BIN1: variants seen among roughly 807,000 people sequenced by gnomAD.
BIN1 encodes bridging integrator 1.
In BIN1, 53 loss-of-function variants were observed where a neutral mutation model predicts 82.0. That is an observed-to-expected ratio of 0.65 (90% CI 0.52 to 0.81). The LOEUF (loss-of-function observed/expected upper bound fraction) is 0.81. Ranked by LOEUF, BIN1 falls within the 40% of genes least tolerant of loss-of-function variation. The pLI is 0.00. For missense variants in BIN1, 642 were observed against 784.4 expected (o/e 0.82, Z 2.17); for synonymous variants, 302 against 328.0 (o/e 0.92, Z 0.86).
intron 18 of BIN1, 74 bp from the exon 19 acceptor site, chr2:127,048,707 A>G: frequency 5.6e-6 from 8 of 1,424,866 alleles, no homozygotes; most frequent in Non-Finnish European, 7.9e-6. Context: ...TCCCACTCCA[A>G]CCTGCTGGGA....
chr2:127,083,007 G>A (rs1433641010), intron 1 of BIN1, among the ~76,000 whole-genome samples: 1 of 151,250 alleles, frequency 6.6e-6, no homozygotes. Flanking sequence ...ATACTACAGG[G>A]ACTATCATCT....
intron 14 of BIN1, 138 bp downstream of exon 14, chr2:127,053,284 G>T: frequency 7.8e-7 from 1 of 1,276,508 alleles, no homozygotes; most frequent in Non-Finnish European, 1.1e-6. Context: ...CTGTGCGTGA[G>T]CACGTGCCTG....
intron 9 of BIN1, 60 bp downstream of exon 9, chr2:127,063,511 C>G: frequency 6.4e-7 from 1 of 1,560,970 alleles, no homozygotes; most frequent in African/African-American, 1.4e-5. Flanking sequence ...TCCCACGACT[C>G]TGACTCTGAC....
rs7568161 is a variant in BIN1, at chr2:127,050,365, C to T, written c.1674+56G>A. 0.19 allele frequency: 306,279 copies of T among 1,594,300 alleles called. 30,199 individuals carry two copies. The highest frequency in any genetic ancestry group is 0.26 in the African/African-American group (19,532 of 74,536). On this transcript the variant is annotated intron_variant, in intron 18 of 18. Coordinates refer to ENST00000316724, the MANE Select transcript of BIN1 (RefSeq NM_139343.3). ...CTGTCTCCGCCACGGCGGTGCCAGC[C>T]GCAGCCAGGATGCCTGTGGTCCCCC...
chr2:127,101,951 A>C (rs562019393), intron 1 of BIN1, among the ~76,000 whole-genome samples: 20 of 152,154 alleles, frequency 1.3e-4, no homozygotes, highest in Non-Finnish European at 2.6e-4. Flanking sequence ...GCCATGCAGG[A>C]AGAAGGTGCC....
At chr2:127,055,679 A>G (rs1683560798) in intron 12 of BIN1, 1 of 151,480 alleles carries the variant, frequency 6.6e-6, no homozygotes, top group African/African-American at 2.4e-5. Flanking sequence ...AATATCCGTC[A>G]TGTGCTGAGG....
At chr2:127,069,963 G>C (rs1472126246) in intron 5 of BIN1, 32 bp downstream of exon 5, 6 of 1,605,960 alleles carry the variant, frequency 3.7e-6, no homozygotes, top group Non-Finnish European at 5.1e-6. Flanking sequence ...CTCCAGGCCA[G>C]AGCAGGGCAG....
Position 127,051,389 on chromosome 2 carries a change from C to T in BIN1, c.1372-146G>A, listed in dbSNP as rs1303055661. On this transcript the variant is annotated intron_variant, in intron 15 of 18. Transcript: ENST00000316724. ...CAGGGTCTAGAGCTGCCCAGTGCCT[C>T]GAAGAATCCAGGGAGCCTCTGCTGG... The T allele has an allele frequency of 3.3e-5, 27 of 821,768 alleles. 1 individual carries two copies. The highest frequency in any genetic ancestry group is 3.2e-4 in the South Asian group (22 of 68,296). The allele number at this position is 821,768 out of a possible 1,614,324, so 50.9% of individuals were successfully genotyped here.
At chr2:127,050,723 A>G (rs966514993) in intron 17 of BIN1, 79 bp downstream of exon 17, 26 of 1,518,246 alleles carry the variant, frequency 1.7e-5, no homozygotes, top group Non-Finnish European at 2.2e-5. Flanking sequence ...GGCAAACCAC[A>G]GAGTCTCCTG....
At chr2:127,074,410 A>T (rs1418217565) in intron 2 of BIN1, among the ~76,000 whole-genome samples, 1 of 152,014 alleles carries the variant, frequency 6.6e-6, no homozygotes, top group African/African-American at 2.4e-5. Flanking sequence ...CACCCCACCA[A>T]ACCTGAGCCC....
At chr2:127,053,558 G>A (rs759536531) in intron 13 of BIN1, 113 bp from the exon 14 acceptor site, 2 of 1,417,292 alleles carry the variant, frequency 1.4e-6, no homozygotes, top group Non-Finnish European at 2.0e-6. Context: ...CAGCCCAGCA[G>A]GCACAGGAGT....
chr2:127,099,261 G>A (rs116528535), intron 1 of BIN1, among the ~76,000 whole-genome samples: 251 of 152,234 alleles, frequency 1.6e-3, no homozygotes, highest in African/African-American at 5.9e-3. Context: ...TGACCACAGG[G>A]ACCAGAGACA....
At chr2:127,097,060 C>A (rs1281553822) in intron 1 of BIN1, among the ~76,000 whole-genome samples, 1 of 152,210 alleles carries the variant, frequency 6.6e-6, no homozygotes, top group Admixed American at 6.5e-5. Context: ...CGTTACCGTG[C>A]CCACTCCCCA....
chr2:127,083,193 C>T (rs1485662114), intron 1 of BIN1, among the ~76,000 whole-genome samples: 2 of 151,798 alleles, frequency 1.3e-5, no homozygotes, highest in African/African-American at 2.4e-5. Context: ...TTAAACGATC[C>T]GCCCACCTCA....
intron 1 of BIN1, among the ~76,000 whole-genome samples, chr2:127,078,109 G>A (rs1188535371): frequency 1.3e-5 from 2 of 152,210 alleles, no homozygotes; most frequent in Non-Finnish European, 2.9e-5. Flanking sequence ...ACCAACGGAT[G>A]CCTGGTACCA....
chr2:127,101,980 C>A (rs1338125999), intron 1 of BIN1, among the ~76,000 whole-genome samples: 1 of 152,292 alleles, frequency 6.6e-6, no homozygotes, highest in East Asian at 1.9e-4. Context: ...GCTCAAGGTG[C>A]CGCTCTGCCA....
chr2:127,076,617 C>G lies in BIN1; in HGVS notation c.165+9G>C. On this transcript the variant is annotated intron_variant, in intron 2 of 18. Coordinates refer to ENST00000316724, the MANE Select transcript of BIN1 (RefSeq NM_139343.3). Reference sequence around the variant, plus strand: ...AAACTCCCTAAGGCCAAGGGCCACCCACACTCACCAGCTGCTTGTTGAAAT... The same window carrying G: ...AAACTCCCTAAGGCCAAGGGCCACCGACACTCACCAGCTGCTTGTTGAAAT... 6.2e-7 allele frequency: 1 copy of G among 1,614,130 alleles called. No individual in the cohort carries two copies. Among genetic ancestry groups the G allele is most frequent in the Non-Finnish European group, 8.5e-7 (1 of 1,180,040 alleles).
intron 1 of BIN1, 115 bp from the exon 2 acceptor site, chr2:127,076,821 T>G: frequency 8.1e-7 from 1 of 1,232,892 alleles, no homozygotes; most frequent in Non-Finnish European, 1.2e-6. Context: ...CTAGCCAACA[T>G]CACCCAGCCC....
chr2:127,050,249 GGA>G, intron 18 of BIN1, 170 bp downstream of exon 18: 1 of 677,554 alleles, frequency 1.5e-6, no homozygotes, highest in Admixed American at 2.1e-5. Context: ...GAGAGGAGAG[GGA>G]GAGAGGAAAA....
Sources: allele counts gnomAD v4.1 joint callset (sites outside exome capture counted in the v4.1 genomes callset), GRCh38; gene constraint gnomAD v4.1.1; transcripts MANE v1.5; gene names NCBI Gene and HGNC (gene_info 2026-07-23, HGNC 2026-07-21).